Variants in RNLS observed in about 807,000 individuals in gnomAD.
RNLS encodes the protein renalase, FAD dependent amine oxidase.
In RNLS, 39 loss-of-function variants were observed where a neutral mutation model predicts 39.8. The ratio of observed to expected loss-of-function variants is 0.98; its 90% confidence interval spans 0.76 to 1.28. The LOEUF is 1.28. RNLS is among the 50% of genes most tolerant of loss of function. The probability of loss-of-function intolerance (pLI) is 0.00; values close to 1 mark genes in which losing one functional copy is unlikely to be tolerated. For synonymous variants in RNLS, 147 were observed against 150.7 expected, an observed-to-expected ratio of 0.98 and a Z score of 0.18; for missense variants, 410 against 413.3, an observed-to-expected ratio of 0.99 and a Z score of 0.07.
the RNLS span, among the ~76,000 whole-genome samples, chr10:88,203,866 C>T: frequency 1.3e-5 from 2 of 151,734 alleles, no homozygotes; most frequent in African/African-American, 4.8e-5. Context: ...AATATCTATA[C>T]TAATATTACT....
At chr10:88,391,269 T>G (rs868186995) in intron 4 of RNLS, among the ~76,000 whole-genome samples, 7 of 152,172 alleles carry the variant, frequency 4.6e-5, no homozygotes, top group South Asian at 2.1e-4. Context: ...TTTAAAATAA[T>G]GTGTACTGGC....
chr10:88,447,683 A>T (rs1842123683), intron 4 of RNLS, among the ~76,000 whole-genome samples: 1 of 152,226 alleles, frequency 6.6e-6, no homozygotes, highest in Non-Finnish European at 1.5e-5. Context: ...GGAACCAAAA[A>T]AGAGCCCGCA....
chr10:88,370,078 GCTT>G (rs1263751136), intron 4 of RNLS, among the ~76,000 whole-genome samples: 1 of 152,074 alleles, frequency 6.6e-6, no homozygotes, highest in Non-Finnish European at 1.5e-5. Context: ...TTTTCATCTA[GCTT>G]CTTCTAGGAA....
intron 3 of RNLS, 62 bp downstream of exon 3, chr10:88,581,505 T>A (rs1440966211): frequency 7.1e-7 from 1 of 1,407,294 alleles, no homozygotes; most frequent in Non-Finnish European, 9.7e-7. Context: ...TATGTAACTA[T>A]GTGTGTAACT....
intron 4 of RNLS, among the ~76,000 whole-genome samples, chr10:88,425,029 T>G (rs536871059): frequency 6.6e-6 from 1 of 152,266 alleles, no homozygotes; most frequent in East Asian, 1.9e-4. Context: ...GCTCCATGTA[T>G]TAAGATAATC....
intron 4 of RNLS, among the ~76,000 whole-genome samples, chr10:88,505,698 A>G: frequency 6.6e-6 from 1 of 152,286 alleles, no homozygotes; most frequent in East Asian, 1.9e-4. Flanking sequence ...TTAATTTCAG[A>G]GAATAAATCC....
the RNLS span, among the ~76,000 whole-genome samples, chr10:88,264,415 G>A: frequency 6.6e-6 from 1 of 152,132 alleles, no homozygotes; most frequent in African/African-American, 2.4e-5. Context: ...CATAGCGGTT[G>A]TACTAGTTTA....
At chr10:88,299,596 G>C (rs1844360581) in intron 6 of RNLS, among the ~76,000 whole-genome samples, 2 of 152,234 alleles carry the variant, frequency 1.3e-5, no homozygotes, top group South Asian at 4.1e-4. Context: ...CTGTACTCCA[G>C]CCTGCGCAAT....
intron 4 of RNLS, among the ~76,000 whole-genome samples, chr10:88,519,685 G>T (rs892135600): frequency 2.1e-5 from 3 of 143,412 alleles, no homozygotes; most frequent in Admixed American, 7.0e-5. Flanking sequence ...AGCACTGCCA[G>T]CTACATAGAT....
At chr10:88,208,928 C>T in the RNLS span, among the ~76,000 whole-genome samples, 33 of 152,198 alleles carry the variant, frequency 2.2e-4, no homozygotes, top group African/African-American at 7.9e-4. Flanking sequence ...TCCTCCCTCC[C>T]GTGTTTGTGG....
chr10:88,524,972 T>C (rs868393380), intron 4 of RNLS, among the ~76,000 whole-genome samples: 7,851 of 126,760 alleles, frequency 0.062, 518 homozygotes, highest in South Asian at 0.13. Context: ...TATATATATA[T>C]ATATATATAT....
At chr10:88,256,801 T>C in the RNLS span, among the ~76,000 whole-genome samples, 1 of 152,168 alleles carries the variant, frequency 6.6e-6, no homozygotes, top group Admixed American at 6.5e-5. Context: ...CTCTTCATGA[T>C]CAGTTATTCA....
chr10:88,461,575 T>C (rs754190771), intron 4 of RNLS, among the ~76,000 whole-genome samples: 5 of 152,132 alleles, frequency 3.3e-5, no homozygotes, highest in Non-Finnish European at 7.4e-5. Context: ...TCAGGGTTTA[T>C]CTATCTTGTG....
At chr10:88,379,265 C>G (rs1007439948) in intron 4 of RNLS, among the ~76,000 whole-genome samples, 2 of 152,102 alleles carry the variant, frequency 1.3e-5, no homozygotes, top group East Asian at 1.9e-4. Flanking sequence ...CTTTGGTTTA[C>G]TTAAATGTGA....
chr10:88,545,374 G>T, intron 4 of RNLS: 1 of 445,528 alleles, frequency 2.2e-6, no homozygotes. Context: ...AGAAAAAGAG[G>T]TTTAATGGAC....
chr10:88,484,489 G>A (rs1844377890), intron 4 of RNLS, among the ~76,000 whole-genome samples: 1 of 151,928 alleles, frequency 6.6e-6, no homozygotes, highest in African/African-American at 2.4e-5. Flanking sequence ...CCTAAACACA[G>A]CATTCAATAT....
chr10:88,324,660 G>A (rs1219010467), intron 5 of RNLS, among the ~76,000 whole-genome samples: 1 of 152,054 alleles, frequency 6.6e-6, no homozygotes, highest in East Asian at 1.9e-4. Flanking sequence ...CCAAACGCCA[G>A]CATTACACAA....
chr10:88,174,509 G>T, the RNLS span, among the ~76,000 whole-genome samples: 1 of 152,166 alleles, frequency 6.6e-6, no homozygotes, highest in Non-Finnish European at 1.5e-5. Context: ...GGCATCTATT[G>T]AGATGATCAT....
chr10:88,289,714 T>TA (rs1396515879), intron 6 of RNLS, among the ~76,000 whole-genome samples: 1 of 152,074 alleles, frequency 6.6e-6, no homozygotes, highest in Non-Finnish European at 1.5e-5. Context: ...TTTATTGTGT[T>TA]AAAAAAAGAT....
Sources: allele counts gnomAD v4.1 joint callset (sites outside exome capture counted in the v4.1 genomes callset), GRCh38; gene constraint gnomAD v4.1.1; transcripts MANE v1.5; gene names NCBI Gene and HGNC (gene_info 2026-07-23, HGNC 2026-07-21).